Variants in ASCC3 observed in about 807,000 individuals in gnomAD.
ASCC3 encodes the protein ASC-1 complex subunit P200.
A neutral mutation model predicts 256.3 loss-of-function variants in ASCC3; 158 were observed. That is an observed-to-expected ratio of 0.62 (90% CI 0.54 to 0.70). ASCC3 has a LOEUF of 0.70. Among genes scored for constraint, ASCC3 ranks in the 30% least tolerant of loss-of-function variants. The pLI is 0.00. For synonymous variants in ASCC3, 948 were observed against 883.4 expected (o/e 1.07, Z -1.30); for missense variants, 2,259 against 2,626.0 (o/e 0.86, Z 3.05).
intron 4 of ASCC3, among the ~76,000 whole-genome samples, chr6:100,826,015 A>G (rs1271531722): frequency 6.6e-6 from 1 of 152,100 alleles, no homozygotes; most frequent in South Asian, 2.1e-4. Context: ...AACACAGCAC[A>G]AAATGGTAAT....
At chr6:100,752,826 T>C (rs1780998104) in intron 10 of ASCC3, among the ~76,000 whole-genome samples, 1 of 152,044 alleles carries the variant, frequency 6.6e-6, no homozygotes, top group Non-Finnish European at 1.5e-5. Flanking sequence ...AGATCTCTGG[T>C]TTAAAATTAA....
At chr6:100,674,472 A>G (rs551559993) in intron 14 of ASCC3, among the ~76,000 whole-genome samples, 2 of 151,910 alleles carry the variant, frequency 1.3e-5, no homozygotes, top group South Asian at 4.2e-4. Context: ...TTACAATTCA[A>G]TATTATTTTT....
chr6:100,547,037 T>C (rs1028186892), intron 36 of ASCC3, among the ~76,000 whole-genome samples: 1 of 152,036 alleles, frequency 6.6e-6, no homozygotes, highest in Non-Finnish European at 1.5e-5. Flanking sequence ...CAAAAATGTA[T>C]ACATTGGAAT....
chr6:100,724,323 T>A (rs1779521327), intron 11 of ASCC3, among the ~76,000 whole-genome samples: 1 of 151,382 alleles, frequency 6.6e-6, no homozygotes, highest in Non-Finnish European at 1.5e-5. Flanking sequence ...TAACTGGTGA[T>A]CTTGGTAAAA....
chr6:100,691,729 T>C (rs557020178), intron 13 of ASCC3, among the ~76,000 whole-genome samples: 9 of 151,934 alleles, frequency 5.9e-5, no homozygotes, highest in Non-Finnish European at 1.3e-4. Context: ...TTAGAAAAAT[T>C]TTTTAGCAAT....
At position 100,662,027 on chromosome 6, in the gene ASCC3, T is replaced by C; in HGVS notation, c.2482A>G (p.Thr828Ala). The change falls in exon 16 of 42, where the codon ACA (threonine) becomes GCA (alanine). Residue 828 changes from threonine to alanine, a missense_variant. Physicochemically the swap from Thr to Ala is moderately conservative, Grantham distance 58. This residue lies in a region of ASCC3 where 1,839 missense variants were observed against 2,206.7 expected (regional missense o/e 0.83). Coordinates refer to ENST00000369162, the MANE Select transcript of ASCC3 (RefSeq NM_006828.4). The stretch of plus-strand genomic sequence containing the variant: ...CCTCTTTTTGCAGCATATATTTGTG[T>C]TCCCTAGATGAGGAAAAGTTAACAA... ...LPAHAVIIKGTQIYAAKRGSF... is the reference protein window; with the variant it reads ...LPAHAVIIKGAQIYAAKRGSF... 1.2e-6 allele frequency: 2 copies of C among 1,612,878 alleles called. No homozygotes were observed. Among genetic ancestry groups the C allele is most frequent in the African/African-American group, 1.3e-5 (1 of 74,970 alleles).
At chr6:100,607,562 C>T (rs559285062) in intron 30 of ASCC3, among the ~76,000 whole-genome samples, 13 of 152,064 alleles carry the variant, frequency 8.5e-5, no homozygotes, top group African/African-American at 2.4e-4. Context: ...CTTATTGGCC[C>T]TGAACAAGTC....
In ASCC3 at chr6:100,708,283, A is replaced by T. The variant is rs551109514; in HGVS notation, c.2151+7179T>A. Among the ~76,000 whole-genome samples the T allele has an allele frequency of 1.1e-4, 16 of 152,318 alleles. No homozygotes were observed. In the South Asian group the frequency reaches 2.9e-3, roughly 28 times the overall value. On this transcript the variant is annotated intron_variant, in intron 13 of 41. Coordinates refer to ENST00000369162, the MANE Select transcript of ASCC3 (RefSeq NM_006828.4). ...TTCCAAGACAATGCTTCTTTAATTT[A>T]TACCTATGAAATTTATTATTTGAGT...
At chr6:100,725,817 G>A (rs1252350633) in intron 10 of ASCC3, 114 bp from the exon 11 acceptor site, 1 of 1,012,234 alleles carries the variant, frequency 9.9e-7, no homozygotes, top group Non-Finnish European at 1.5e-6. Flanking sequence ...AATAAAAAGT[G>A]TTTAGAATAG....
At chr6:100,791,328 T>C (rs980953305) in intron 8 of ASCC3, among the ~76,000 whole-genome samples, 4 of 151,936 alleles carry the variant, frequency 2.6e-5, no homozygotes, top group Non-Finnish European at 5.9e-5. Context: ...CATAAAATCA[T>C]GGCCTTCTTG....
intron 11 of ASCC3, among the ~76,000 whole-genome samples, chr6:100,720,793 T>A (rs1380268599): frequency 6.7e-6 from 1 of 149,716 alleles, no homozygotes; most frequent in Non-Finnish European, 1.5e-5. Context: ...GATGACAATG[T>A]GAAGATGAAA....
At chr6:100,818,748 CAAAAAAAAAAAA>C (rs56668191) in intron 4 of ASCC3, among the ~76,000 whole-genome samples, 28 of 58,132 alleles carry the variant, frequency 4.8e-4, no homozygotes, top group African/African-American at 1.7e-3. Flanking sequence ...AGGCAAAAGC[CAAAAAAAAAAAA>C]AAAAAAAAAA....
chr6:100,735,394 T>C (rs780321942), intron 10 of ASCC3, among the ~76,000 whole-genome samples: 2 of 152,202 alleles, frequency 1.3e-5, no homozygotes, highest in Non-Finnish European at 2.9e-5. Context: ...TAGTTTATTA[T>C]GAGAAAACAG....
intron 37 of ASCC3, 35 bp from the exon 38 acceptor site, chr6:100,518,177 T>A: frequency 6.2e-7 from 1 of 1,612,102 alleles, no homozygotes; most frequent in Non-Finnish European, 8.5e-7. Context: ...ACAAGAATTA[T>A]ATCATGGTAC....
chr6:100,800,550 T>C (rs1010559813), intron 5 of ASCC3, 46 bp from the exon 6 acceptor site: 15 of 1,387,736 alleles, frequency 1.1e-5, no homozygotes, highest in Non-Finnish European at 1.5e-5. Context: ...AATCTGAATA[T>C]GATTTAACCT....
At chr6:100,677,942 C>A (rs1777109273) in intron 14 of ASCC3, among the ~76,000 whole-genome samples, 1 of 151,868 alleles carries the variant, frequency 6.6e-6, no homozygotes, top group Non-Finnish European at 1.5e-5. Flanking sequence ...GTGACATTGC[C>A]TTAAATAAAC....
intron 36 of ASCC3, among the ~76,000 whole-genome samples, chr6:100,580,861 C>T (rs1043492288): frequency 2.0e-5 from 3 of 151,318 alleles, no homozygotes; most frequent in Non-Finnish European, 4.4e-5. Context: ...CGATAGTTTA[C>T]TGAGAATGAT....
chr6:100,769,356 A>G (rs1464207521), intron 8 of ASCC3, among the ~76,000 whole-genome samples: 1 of 152,008 alleles, frequency 6.6e-6, no homozygotes, highest in Non-Finnish European at 1.5e-5. Context: ...TAGCTAGAAG[A>G]AAAGATTTTG....
intron 2 of ASCC3, among the ~76,000 whole-genome samples, chr6:100,866,698 G>A (rs564039607): frequency 9.2e-5 from 14 of 152,180 alleles, no homozygotes; most frequent in South Asian, 2.1e-4. Context: ...CAAATCATGT[G>A]AGGACACAGC....
Sources: gnomAD v4.1 joint callset for allele counts (sites outside exome capture counted in the v4.1 genomes callset) on GRCh38, gnomAD v4.1.1 for gene constraint, gnomAD v4.1.1 regional missense constraint, MANE v1.5 for transcripts, NCBI Gene and HGNC (gene_info 2026-07-23, HGNC 2026-07-21) for gene names.